Variants in EIF4A3 observed in about 807,000 individuals in gnomAD.
The protein encoded by EIF4A3 is eukaryotic initiation factor 4A-III.
EIF4A3 carries 1 observed loss-of-function variant against 55.6 expected under a neutral mutation model. That is an observed-to-expected ratio of 0.02 (90% CI 0.01 to 0.09). The LOEUF is 0.09. Among genes scored for constraint, EIF4A3 ranks in the 10% least tolerant of loss-of-function variants. EIF4A3 has a pLI of 1.00. For synonymous variants in EIF4A3, 194 were observed against 196.3 expected, an observed-to-expected ratio of 0.99 and a Z score of 0.10; for missense variants, 221 against 540.7, an observed-to-expected ratio of 0.41 and a Z score of 5.86.
rs931141788 is a variant in EIF4A3, at chr17:80,141,591, A to C, written c.309+191T>G. On this transcript the variant is annotated intron_variant, in intron 3 of 11. Transcript: ENST00000649764. ...TCGTCTGCAGACAAGAGCTTCCTCT[A>C]GTTAAATAGAAAATCATGACAGAAT... is the stretch of plus-strand genomic sequence containing the variant. 6 of 720,632 alleles carry C rather than the reference A, an allele frequency of 8.3e-6. No homozygotes were observed. In the African/African-American group the frequency reaches 8.9e-5, roughly 11 times the overall value. 44.6% of individuals were successfully genotyped at this position (720,632 alleles called of 1,614,324 possible).
intron 1 of EIF4A3, among the ~76,000 whole-genome samples, chr17:80,144,547 G>A (rs951956899): frequency 1.3e-5 from 2 of 151,856 alleles, no homozygotes; most frequent in African/African-American, 4.8e-5. Context: ...GCATCTGGAA[G>A]TGTAAGTGCC....
intron 9 of EIF4A3, 108 bp downstream of exon 9, chr17:80,137,278 G>T: frequency 2.1e-6 from 2 of 942,924 alleles, no homozygotes; most frequent in Non-Finnish European, 3.1e-6. Flanking sequence ...CAGAGCAGAA[G>T]CTTGGCATCC....
At position 80,136,257 on chromosome 17, in the gene EIF4A3, G is replaced by A. The variant is rs138300359; in HGVS notation, c.1062C>T (p.Leu354=). ...PQVSLIINYD[L]PNNRELYIHR... ...GTATGTACAATTCTCTGTTATTAGGGAGATCATAGTTAATGATGAGGGACA... is the reference window on the plus strand; with the variant it reads ...GTATGTACAATTCTCTGTTATTAGGAAGATCATAGTTAATGATGAGGGACA... Residue 354 remains leucine, a synonymous_variant, in exon 10 of 12, where the codon CTC becomes CTT. Coordinates refer to ENST00000649764, the MANE Select transcript of EIF4A3 (RefSeq NM_014740.4). 2.1e-4 allele frequency: 335 copies of A among 1,614,092 alleles called. No individual in the cohort carries two copies. In the Middle Eastern group the frequency reaches 3.5e-3, roughly 17 times the overall value.
In EIF4A3 at chr17:80,139,533, C is replaced by G. The variant is rs1330143746; in HGVS notation, c.586+137G>C. 6.2e-6 allele frequency: 5 copies of G among 808,134 alleles called. No homozygotes were observed. In the African/African-American group the frequency reaches 8.8e-5, roughly 14 times the overall value. 50.1% of individuals were successfully genotyped at this position (808,134 alleles called of 1,614,324 possible). A position where few individuals can be genotyped will look rare whatever the true frequency, so the allele number is the denominator to read the frequency against. ...GGTAGGAATTTTTTGTTCATAATTG[C>G]CAAGGCACAATTGTTTTTCCACGAT... On this transcript the variant is annotated intron_variant, in intron 6 of 11. Coordinates refer to ENST00000649764, the MANE Select transcript of EIF4A3 (RefSeq NM_014740.4).
rs183195514 is a variant in EIF4A3 at position 80,139,317 on chromosome 17, G to A, written c.587-155C>T. Reference sequence around the variant, plus strand: ...TTTTACAGCACCAGGCCACATCCACGCGTTCTCTCCGTCCCTACTCCCCGC... The same window carrying A: ...TTTTACAGCACCAGGCCACATCCACACGTTCTCTCCGTCCCTACTCCCCGC... On this transcript the variant is annotated intron_variant, in intron 6 of 11. Transcript: ENST00000649764. 1.9e-4 allele frequency: 187 copies of A among 988,442 alleles called. 1 individual carries two copies. Among genetic ancestry groups the A allele is most frequent in the South Asian group, 1.7e-5 (1 of 58,086 alleles). The allele number at this position is 988,442 out of a possible 1,614,324, so 61.2% of individuals were successfully genotyped here.
rs373215829 is a variant in EIF4A3, at chr17:80,139,010, G to C, written c.728+11C>G. ...CAGTGTTTTAGTAAACTTGACAAGA[G>C]GGGCTCCTACCGTTTCACCAAGATG... On this transcript the variant is annotated intron_variant, in intron 7 of 11. Transcript: ENST00000649764. 6.2e-7 allele frequency: 1 copy of C among 1,613,102 alleles called. No homozygotes were observed.
chr17:80,137,275 G>C (rs2143985063), intron 9 of EIF4A3, 111 bp downstream of exon 9: 2 of 918,932 alleles, frequency 2.2e-6, no homozygotes, highest in South Asian at 3.7e-5. Context: ...TTTCAGAGCA[G>C]AAGCTTGGCA....
intron 8 of EIF4A3, 70 bp downstream of exon 8, chr17:80,138,072 G>C: frequency 6.4e-7 from 1 of 1,564,458 alleles, no homozygotes; most frequent in Non-Finnish European, 8.7e-7. Flanking sequence ...GAAAAATCTT[G>C]ATTTATGTCA....
In EIF4A3 at chr17:80,138,181, G is replaced by A. The variant is rs1200412460; in HGVS notation, c.828C>T (p.Thr276=). Residue 276 remains threonine (T), a synonymous_variant, in exon 8 of 12, where the codon ACC becomes ACT. Coordinates refer to ENST00000649764, the MANE Select transcript of EIF4A3 (RefSeq NM_014740.4). ...DTLCDLYDTL[T]ITQAVIFCNT... ...TGCAGAAGATGACCGCCTGAGTGATGGTCAGTGTGTCGTAGAGGTCACACA... is the reference window on the plus strand; with the variant it reads ...TGCAGAAGATGACCGCCTGAGTGATAGTCAGTGTGTCGTAGAGGTCACACA... The A allele has an allele frequency of 6.2e-7, 1 of 1,614,040 alleles. No individual in the cohort carries two copies. Among genetic ancestry groups the A allele is most frequent in the Non-Finnish European group, 8.5e-7 (1 of 1,180,000 alleles).
At chr17:80,139,556 G>A (rs1282098926) in intron 6 of EIF4A3, 114 bp downstream of exon 6, 7 of 919,616 alleles carry the variant, frequency 7.6e-6, no homozygotes, top group South Asian at 1.7e-5. Flanking sequence ...GTTTTTCCAC[G>A]ATGAAAACAC....
chr17:80,139,467 CTGGCCTGAGTCACCCACAA>C, intron 6 of EIF4A3, 184 bp downstream of exon 6: 1 of 629,860 alleles, frequency 1.6e-6, no homozygotes, highest in Non-Finnish European at 2.7e-6. Flanking sequence ...GCAATAGAGG[CTGGCCTGAGTCACCCACAA>C]TGAACAAATA....
At chr17:80,141,431 T>A (rs2039617981) in intron 3 of EIF4A3, 50 bp from the exon 4 acceptor site, 1 of 1,549,298 alleles carries the variant, frequency 6.5e-7, no homozygotes, top group African/African-American at 1.4e-5. Flanking sequence ...ATTATCAAAG[T>A]GGATTGTAGT....
At chr17:80,141,259 A>G in intron 4 of EIF4A3, 60 bp downstream of exon 4, 2 of 1,515,568 alleles carry the variant, frequency 1.3e-6, no homozygotes, top group Non-Finnish European at 1.8e-6. Context: ...TCGGTGTTTC[A>G]CAACTAAATC....
chr17:80,137,806 T>C (rs1282420340), intron 8 of EIF4A3, among the ~76,000 whole-genome samples: 3 of 152,170 alleles, frequency 2.0e-5, no homozygotes, highest in Admixed American at 6.5e-5. Context: ...ACTCCTTTCC[T>C]TTCTCAGGAA....
At chr17:80,136,459 C>T in intron 9 of EIF4A3, 124 bp from the exon 10 acceptor site, 1 of 718,776 alleles carries the variant, frequency 1.4e-6, no homozygotes, top group Non-Finnish European at 2.3e-6. Context: ...ATTCTCCTCT[C>T]TCAACAGTCT....
At chr17:80,138,598 GTTGTT>G (rs779699736) in intron 7 of EIF4A3, 12 of 365,574 alleles carry the variant, frequency 3.3e-5, no homozygotes, top group Non-Finnish European at 5.1e-5. Flanking sequence ...TAAAAGATGG[GTTGTT>G]TTGTTTTGTT....
At chr17:80,137,102 T>C (rs1161096301) in intron 9 of EIF4A3, 1 of 296,498 alleles carries the variant, frequency 3.4e-6, no homozygotes, top group Non-Finnish European at 6.2e-6. Context: ...ATCGAAACGA[T>C]GAACAGAAAA....
At position 80,147,085 on chromosome 17, in the gene EIF4A3, C is replaced by CGG; in HGVS notation, c.-125_-124insCC. ...CCTCGCTGTGCCGCTGCCGACCTCG[C>CGG]TGTGCCGCTGCCGACCTCGCTGTGC... is the stretch of plus-strand genomic sequence containing the variant. On this transcript the variant is annotated 5_prime_UTR_variant, in exon 1 of 12. Transcript: ENST00000649764. The CGG allele has an allele frequency of 7.5e-7, 1 of 1,330,618 alleles. No individual in the cohort carries two copies. The highest frequency in any genetic ancestry group is 3.1e-5 in the East Asian group (1 of 32,560). The allele number at this position is 1,330,618 out of a possible 1,614,324, so 82.4% of individuals were successfully genotyped here.
At chr17:80,145,867 G>A (rs1298495519) in intron 1 of EIF4A3, among the ~76,000 whole-genome samples, 1 of 152,068 alleles carries the variant, frequency 6.6e-6, no homozygotes, top group Non-Finnish European at 1.5e-5. Flanking sequence ...AGCCAATGCT[G>A]TCAGCTCCCT....
Sources: allele counts gnomAD v4.1 joint callset (sites outside exome capture counted in the v4.1 genomes callset), GRCh38; gene constraint gnomAD v4.1.1; transcripts MANE v1.5; gene names NCBI Gene and HGNC (gene_info 2026-07-23, HGNC 2026-07-21).